The following FILIP1 variants were observed in gnomAD, a reference collection of about 807,000 sequenced individuals.
The protein encoded by FILIP1 is filamin-A-interacting protein 1.
In FILIP1, 61 loss-of-function variants were observed where a neutral mutation model predicts 102.1. The observed-to-expected ratio is 0.60, with a 90% confidence interval of 0.49 to 0.74. The LOEUF is 0.74. Ranked by LOEUF, FILIP1 falls within the 30% of genes least tolerant of loss-of-function variation. The pLI, the probability that FILIP1 is intolerant of heterozygous loss-of-function variation, is 0.00. For synonymous variants in FILIP1, 491 were observed against 526.9 expected (o/e 0.93, Z 0.93); for missense variants, 1,314 against 1,441.2 (o/e 0.91, Z 1.43).
At chr6:75,343,933 C>T (rs1774494569) in intron 4 of FILIP1, among the ~76,000 whole-genome samples, 2 of 152,088 alleles carry the variant, frequency 1.3e-5, no homozygotes, top group African/African-American at 4.8e-5. Context: ...AAAGAATATG[C>T]CAAAAAGTGA....
intron 1 of FILIP1, among the ~76,000 whole-genome samples, chr6:75,443,051 G>T (rs1189165000): frequency 6.6e-6 from 1 of 152,284 alleles, no homozygotes; most frequent in Admixed American, 6.5e-5. Flanking sequence ...TTAATTGTTT[G>T]GGGAAATGAT....
chr6:75,442,116 G>A (rs944770438), intron 1 of FILIP1, among the ~76,000 whole-genome samples: 4 of 152,066 alleles, frequency 2.6e-5, no homozygotes, highest in African/African-American at 9.7e-5. Context: ...CTCCCAGATG[G>A]GGCGGCGGAG....
At chr6:75,400,359 G>A (rs1277776252) in intron 2 of FILIP1, among the ~76,000 whole-genome samples, 3 of 152,120 alleles carry the variant, frequency 2.0e-5, no homozygotes, top group Non-Finnish European at 2.9e-5. Context: ...GTGCTTTATA[G>A]ACACTGTCTA....
intron 2 of FILIP1, among the ~76,000 whole-genome samples, chr6:75,400,574 T>C (rs968045496): frequency 2.0e-5 from 3 of 152,290 alleles, no homozygotes; most frequent in Admixed American, 2.0e-4. Flanking sequence ...AAATATTTCA[T>C]GTCTATATTC....
chr6:75,395,047 C>A (rs982757739), intron 2 of FILIP1, among the ~76,000 whole-genome samples: 1 of 151,906 alleles, frequency 6.6e-6, no homozygotes, highest in Admixed American at 6.6e-5. Context: ...TACACTCTGA[C>A]GTCACTGAAA....
intron 4 of FILIP1, among the ~76,000 whole-genome samples, chr6:75,337,802 G>T (rs1180255236): frequency 1.3e-5 from 2 of 152,184 alleles, no homozygotes; most frequent in African/African-American, 4.8e-5. Context: ...GTATGTTACA[G>T]ATTCCGGGAG....
rs550203465 is a variant in FILIP1, at chr6:75,348,643, C to T, written c.629+4896G>A. 2.0e-5 allele frequency among the ~76,000 whole-genome samples: 3 copies of T among 152,298 alleles called. No individual in the cohort carries two copies. The East Asian group carries it at 5.8e-4, about 29-fold the overall frequency. ...ATAATTTATATAGTTTTTACACTTACAGGGTCTAGGTCAGTGGCAAAACGA... is the reference window on the plus strand; with the variant it reads ...ATAATTTATATAGTTTTTACACTTATAGGGTCTAGGTCAGTGGCAAAACGA... On this transcript the variant is annotated intron_variant, in intron 4 of 5. Transcript: ENST00000237172.
In FILIP1 at chr6:75,313,855, C is replaced by T; in HGVS notation, c.1977G>A (p.Glu659=). The change falls in exon 5 of 6, where the codon GAG becomes GAA. Residue 659 remains glutamate, a synonymous_variant. Transcript: ENST00000237172. The surrounding 1 kb of genome is among the most constrained non-coding windows in gnomAD (Gnocchi z 4.2). ...VEGDLMKTED[E]YDQLEQKFRT... ...TAAATTTCTGTTCCAGCTGATCATACTCATCTTCTGTCTTCATCAAATCCC... is the reference window on the plus strand; with the variant it reads ...TAAATTTCTGTTCCAGCTGATCATATTCATCTTCTGTCTTCATCAAATCCC... 2 of 1,614,128 alleles carry T rather than the reference C, an allele frequency of 1.2e-6. No individual in the cohort carries two copies. The highest frequency in any genetic ancestry group is 2.2e-5 in the South Asian group (2 of 91,074).
intron 6 of FILIP1, among the ~76,000 whole-genome samples, chr6:75,300,054 T>C (rs1582303833): frequency 1.3e-5 from 2 of 152,112 alleles, no homozygotes; most frequent in East Asian, 1.9e-4. Flanking sequence ...AAAAAGCCAA[T>C]ACCTCCCTCC....
At chr6:75,302,499 T>C (rs936427046) in intron 6 of FILIP1, among the ~76,000 whole-genome samples, 5 of 152,130 alleles carry the variant, frequency 3.3e-5, no homozygotes, top group African/African-American at 1.2e-4. Context: ...GAAATAATAG[T>C]TTATCTTCCT....
intron 1 of FILIP1, among the ~76,000 whole-genome samples, chr6:75,441,718 C>G (rs1778247628): frequency 7.0e-6 from 1 of 142,480 alleles, no homozygotes; most frequent in Admixed American, 6.9e-5. Flanking sequence ...ACTGACCCCC[C>G]CACCTCCCTC....
intron 1 of FILIP1, among the ~76,000 whole-genome samples, chr6:75,459,411 C>T (rs1225139059): frequency 2.0e-5 from 3 of 152,038 alleles, no homozygotes; most frequent in Non-Finnish European, 2.9e-5. Flanking sequence ...AGTACTCATC[C>T]TATTAAAAGA....
At chr6:75,315,332 G>A (rs1401524277) in intron 4 of FILIP1, 130 bp from the exon 5 acceptor site, 1 of 612,934 alleles carries the variant, frequency 1.6e-6, no homozygotes, top group Admixed American at 3.7e-5. Context: ...AATGTTTAAA[G>A]AATAGCCATT....
intron 2 of FILIP1, among the ~76,000 whole-genome samples, chr6:75,396,712 A>G (rs1034510504): frequency 1.3e-5 from 2 of 152,106 alleles, no homozygotes; most frequent in African/African-American, 4.8e-5. Flanking sequence ...CTCACAGGCT[A>G]CAAAGGGAAG....
At chr6:75,391,410 C>T (rs1465503514) in intron 2 of FILIP1, among the ~76,000 whole-genome samples, 1 of 152,158 alleles carries the variant, frequency 6.6e-6, no homozygotes, top group African/African-American at 2.4e-5. Context: ...GGTCCACTCT[C>T]ATATACTATT....
chr6:75,385,180 G>A (rs981792456), intron 2 of FILIP1, among the ~76,000 whole-genome samples: 1 of 152,016 alleles, frequency 6.6e-6, no homozygotes, highest in Non-Finnish European at 1.5e-5. Context: ...ATTGGTTCTC[G>A]ATTGCACATT....
intron 1 of FILIP1, among the ~76,000 whole-genome samples, chr6:75,445,442 T>G (rs1374797824): frequency 6.6e-6 from 1 of 152,062 alleles, no homozygotes; most frequent in East Asian, 1.9e-4. Flanking sequence ...CCCACACTAT[T>G]AATCTTATTA....
intron 5 of FILIP1, among the ~76,000 whole-genome samples, chr6:75,311,884 CACTT>C (rs1280218756): frequency 6.6e-6 from 1 of 152,152 alleles, no homozygotes; most frequent in Non-Finnish European, 1.5e-5. Flanking sequence ...CATGTAAACT[CACTT>C]CTCTTTCACT....
rs1469225024 is a variant in FILIP1 at position 75,414,851 on chromosome 6, T to G, written c.122A>C (p.Lys41Thr). 1 of 1,613,988 alleles carries G rather than the reference T, an allele frequency of 6.2e-7. No homozygotes were observed. Among genetic ancestry groups the G allele is most frequent in the South Asian group, 1.1e-5 (1 of 91,076 alleles). The change falls in exon 2 of 6, where the codon AAA becomes ACA. Residue 41 changes from lysine to threonine, a missense_variant. Around this residue, in one of 3 missense-constraint regions of FILIP1, gnomAD observed 494 missense variants for 511.2 expected, o/e 0.97. Coordinates refer to ENST00000237172, the MANE Select transcript of FILIP1 (RefSeq NM_015687.5). ...SLSEDAKKKK[K>T]SNRKEDDVMA... ...GACATCATCCTCCTTCCTATTTGATTTCTTCTTCTTTTTTGCATCTTCTGA... is the reference window on the plus strand; with the variant it reads ...GACATCATCCTCCTTCCTATTTGATGTCTTCTTCTTTTTTGCATCTTCTGA...
Sources: allele counts gnomAD v4.1 joint callset (sites outside exome capture counted in the v4.1 genomes callset), GRCh38; gene constraint gnomAD v4.1.1; regional missense constraint gnomAD v4.1.1; non-coding constraint Gnocchi (gnomAD v3.1); transcripts MANE v1.5; gene names NCBI Gene and HGNC (gene_info 2026-07-23, HGNC 2026-07-21).